Variants in IQGAP3 observed in about 807,000 individuals in gnomAD.
The protein encoded by IQGAP3 is ras GTPase-activating-like protein IQGAP3.
IQGAP3 carries 165 observed loss-of-function variants against 208.2 expected under a neutral mutation model. The ratio of observed to expected loss-of-function variants is 0.79; its 90% CI spans 0.70 to 0.90. The LOEUF is 0.90. Ranked by LOEUF, IQGAP3 falls within the 40% of genes least tolerant of loss-of-function variation. IQGAP3 has a pLI of 0.00. For missense variants in IQGAP3, 1,811 were observed against 2,043.1 expected (o/e 0.89, Z 2.19); for synonymous variants, 703 against 803.6 (o/e 0.87, Z 2.12).
chr1:156,539,278 C>G, intron 25 of IQGAP3, 96 bp downstream of exon 25: 1 of 1,199,640 alleles, frequency 8.3e-7, no homozygotes, highest in Admixed American at 2.2e-5. Context: ...TCCATTTCTA[C>G]CCTTAGGCCT....
chr1:156,561,814 G>A (rs763466319), intron 10 of IQGAP3, 24 bp downstream of exon 10: 1 of 1,611,100 alleles, frequency 6.2e-7, no homozygotes, highest in Non-Finnish European at 8.5e-7. Flanking sequence ...TACAGGGGGT[G>A]GCAGGTAATA....
Position 156,538,968 on chromosome 1 carries a change from CT to C in IQGAP3, c.3121del (p.Arg1041AspfsTer24). 1 of 1,614,214 alleles carries C rather than the reference CT, an allele frequency of 6.2e-7. No homozygotes were observed. Among genetic ancestry groups the C allele is most frequent in the South Asian group, 1.1e-5 (1 of 91,078 alleles). On this transcript the variant is annotated frameshift_variant, in exon 26 of 38. Coordinates refer to ENST00000361170, the MANE Select transcript of IQGAP3 (RefSeq NM_178229.5). LOFTEE classifies it high-confidence loss of function. ...GNPTVVRLVV[R>X]FYRNGRGQSA... ...CTGTCCCCGCCCATTACGGTAGAAT[CT>C]CACCACCAGCCTCACCACTGTTGGG...
chr1:156,551,558 T>C lies in IQGAP3; in HGVS notation c.1734+147A>G. ...CACTGCCCTGGCAACAGGGCCATCC[T>C]TCTTTACCAGATTGGAACACCCCCC... On this transcript the variant is annotated intron_variant, in intron 15 of 37. Transcript: ENST00000361170. 11 of 821,256 alleles carry C rather than the reference T, an allele frequency of 1.3e-5. No individual in the cohort carries two copies. The South Asian group carries it at 2.3e-4, about 17-fold the overall frequency. 50.9% of individuals were successfully genotyped at this position (821,256 alleles called of 1,614,324 possible).
rs751128458 is a variant in IQGAP3, at chr1:156,564,682, GGAA to G, written c.367_369del (p.Phe123del). 46 of 1,613,354 alleles carry G rather than the reference GGAA, an allele frequency of 2.9e-5. No homozygotes were observed. Among genetic ancestry groups the G allele is most frequent in the Non-Finnish European group, 3.4e-5 (40 of 1,179,562 alleles). ...TTGTCATAGATGTCCGTGGTCTCTGGGAAGAAGGTCTAGAGGAGAAACCAGCCA... is the reference window on the plus strand; with the variant it reads ...TTGTCATAGATGTCCGTGGTCTCTGGGAAGGTCTAGAGGAGAAACCAGCCA... On this transcript the variant is annotated inframe_deletion, in exon 5 of 38. Transcript: ENST00000361170.
At chr1:156,557,434 G>A (rs1675887276) in intron 11 of IQGAP3, among the ~76,000 whole-genome samples, 1 of 13,686 alleles carries the variant, frequency 7.3e-5, no homozygotes, top group African/African-American at 1.2e-4. Flanking sequence ...CGGGAGGGAG[G>A]TGGGGGGGGT....
chr1:156,529,219 A>T (rs1197532577), intron 34 of IQGAP3, 137 bp from the exon 35 acceptor site: 11 of 926,980 alleles, frequency 1.2e-5, no homozygotes, highest in Non-Finnish European at 1.7e-5. Context: ...CTAGAAGGAA[A>T]ATCTCAAGGA....
intron 4 of IQGAP3, 65 bp downstream of exon 4, chr1:156,565,962 A>G: frequency 8.2e-7 from 1 of 1,215,974 alleles, no homozygotes; most frequent in Non-Finnish European, 1.2e-6. Flanking sequence ...GAGATAAAGC[A>G]TGGGATTGTG....
intron 1 of IQGAP3, among the ~76,000 whole-genome samples, chr1:156,571,276 A>T (rs1676631183): frequency 6.6e-6 from 1 of 152,222 alleles, no homozygotes; most frequent in African/African-American, 2.4e-5. Flanking sequence ...AGAGAAAGCT[A>T]CACACACAGT....
chr1:156,566,124 AAAATC>A lies in IQGAP3; in HGVS notation c.283-25_283-21del. 6.2e-7 allele frequency: 1 copy of A among 1,606,510 alleles called. No homozygotes were observed. ...AGTTGCCTGAAAGGGAAGGAAAAAG[AAAATC>A]TATTTCCACAGTTCTCAGCACTCCC... On this transcript the variant is annotated intron_variant, in intron 3 of 37. Transcript: ENST00000361170.
intron 5 of IQGAP3, 92 bp from the exon 6 acceptor site, chr1:156,563,916 C>G (rs1447443331): frequency 5.8e-6 from 6 of 1,036,094 alleles, no homozygotes; most frequent in African/African-American, 1.6e-5. Context: ...CTATGGGGAC[C>G]TAGAGATGAA....
chr1:156,545,986 T>C (rs1675225580), intron 19 of IQGAP3, among the ~76,000 whole-genome samples: 1 of 152,116 alleles, frequency 6.6e-6, no homozygotes, highest in Admixed American at 6.5e-5. Context: ...TCTGTTGGGA[T>C]AGGATGTAAA....
chr1:156,548,369 G>C lies in IQGAP3; in HGVS notation c.2112C>G (p.His704Gln), dbSNP rs761225439. 3 of 1,613,878 alleles carry C rather than the reference G, an allele frequency of 1.9e-6. No individual in the cohort carries two copies. Among genetic ancestry groups the C allele is most frequent in the Admixed American group, 1.7e-5 (1 of 59,996 alleles). Residue 704 changes from histidine (H) to glutamine (Q), a missense_variant, in exon 18 of 38, where the codon CAC becomes CAG. Physicochemically the swap from His to Gln is conservative, Grantham distance 24. Transcript: ENST00000361170. ...QPPGCPLNTS[H>Q]LTREEIQSAV... ...CAACCTGGATCTCCTCCCGGGTCAG[G>C]TGAGAGGTGTTGAGGGGGCAGCCAG...
intron 22 of IQGAP3, among the ~76,000 whole-genome samples, chr1:156,543,463 G>A (rs1675082105): frequency 6.6e-6 from 1 of 152,180 alleles, no homozygotes; most frequent in Admixed American, 6.5e-5. Context: ...AAAAAGGAAG[G>A]GGATGCCATT....
intron 36 of IQGAP3, 66 bp downstream of exon 36, chr1:156,528,443 C>G (rs965044279): frequency 8.3e-7 from 1 of 1,211,016 alleles, no homozygotes; most frequent in East Asian, 2.3e-5. Flanking sequence ...GGTGCCCAGC[C>G]CAGAGCTCCA....
rs752669151 is a variant in IQGAP3, at chr1:156,535,232, A to G, written c.3438T>C (p.Tyr1146=). The change falls in exon 28 of 38, where the codon TAT becomes TAC. Residue 1146 remains tyrosine, a synonymous_variant. Transcript: ENST00000361170. The part of the protein sequence containing the change: ...SVDQIPYGMR[Y]VAKVLKATLA... ...GAGTTGCCTTCAGGACTTTGGCCAC[A>G]TATCGCATCCCATACCTGGGGACAA... 1.2e-6 allele frequency: 2 copies of G among 1,612,706 alleles called. No individual in the cohort carries two copies. The highest frequency in any genetic ancestry group is 4.5e-5 in the East Asian group (2 of 44,854).
In IQGAP3 at chr1:156,530,162, G is replaced by C; in HGVS notation, c.4347C>G (p.Ala1449=). The C allele has an allele frequency of 6.2e-7, 1 of 1,611,112 alleles. No homozygotes were observed. The highest frequency in any genetic ancestry group is 1.1e-5 in the South Asian group (1 of 90,130). Residue 1449 remains alanine, a synonymous_variant, in exon 34 of 38, where the codon GCC becomes GCG. Coordinates refer to ENST00000361170, the MANE Select transcript of IQGAP3 (RefSeq NM_178229.5). ...CATTTCTGGCGCTGACCAACCCCAG[G>C]GCTTCAAGTCGGCGTAGGTTCCGCA... ...RVLRNLRRLE[A]LGLVSARNGY...
chr1:156,555,414 T>C (rs1206870111), intron 12 of IQGAP3, among the ~76,000 whole-genome samples: 2 of 152,118 alleles, frequency 1.3e-5, no homozygotes, highest in Non-Finnish European at 2.9e-5. Context: ...TCAGTAGAGA[T>C]GGGGTTTCGC....
chr1:156,533,036 C>A lies in IQGAP3; in HGVS notation c.4047G>T (p.Lys1349Asn). 6.2e-7 allele frequency: 1 copy of A among 1,614,120 alleles called. No individual in the cohort carries two copies. Among genetic ancestry groups the A allele is most frequent in the Non-Finnish European group, 8.5e-7 (1 of 1,180,004 alleles). Residue 1349 changes from lysine to asparagine, a missense_variant, in exon 32 of 38, where the codon AAG (lysine) becomes AAT (asparagine). Transcript: ENST00000361170. ...KLEVSLTLTN[K>N]FEGLEADADD... The stretch of plus-strand genomic sequence containing the variant: ...CAGCATCTGCCTCTAGTCCTTCAAA[C>A]TTGTTGGTCAGCGTCAGGGACACTT...
At chr1:156,548,536 G>A (rs754446423) in intron 17 of IQGAP3, 45 bp downstream of exon 17, 3 of 1,600,218 alleles carry the variant, frequency 1.9e-6, no homozygotes, top group Non-Finnish European at 2.6e-6. Context: ...GGCAAGGGGT[G>A]GCTGGGGCAG....
Sources: allele counts gnomAD v4.1 joint callset (sites outside exome capture counted in the v4.1 genomes callset), GRCh38; gene constraint gnomAD v4.1.1; transcripts MANE v1.5; gene names NCBI Gene and HGNC (gene_info 2026-07-23, HGNC 2026-07-21).